The following DCT variants were observed in gnomAD, a reference collection of about 807,000 sequenced individuals.
The protein encoded by DCT is L-dopachrome tautomerase.
In DCT, 47 loss-of-function variants were observed where a neutral mutation model predicts 53.0. The ratio of observed to expected loss-of-function variants is 0.89; its 90% CI spans 0.70 to 1.13. The LOEUF is 1.13. Ranked by LOEUF, DCT falls within the 50% of genes most tolerant of loss-of-function variation. The probability of loss-of-function intolerance (pLI) is 0.00; values close to 1 mark genes in which losing one functional copy is unlikely to be tolerated. For missense variants in DCT, 669 were observed against 637.4 expected, an observed-to-expected ratio of 1.05 and a Z score of -0.53; for synonymous variants, 244 against 237.0, an observed-to-expected ratio of 1.03 and a Z score of -0.27.
At chr13:94,448,684 C>T (rs1264998969) in intron 6 of DCT, among the ~76,000 whole-genome samples, 1 of 152,164 alleles carries the variant, frequency 6.6e-6, no homozygotes, top group Non-Finnish European at 1.5e-5. Flanking sequence ...GGGAGGATCA[C>T]CCGAGGTCAG....
Position 94,440,096 on chromosome 13 carries a change from T to C in DCT, c.1382-20A>G, listed in dbSNP as rs1382536355. On this transcript the variant is annotated intron_variant, in intron 7 of 7. Transcript: ENST00000377028. Reference sequence around the variant, plus strand: ...CTGAAACTAAAGCAGAAGAGAAGGGTCTACAATCAGGATTTTCATCAGCTG... The same window carrying C: ...CTGAAACTAAAGCAGAAGAGAAGGGCCTACAATCAGGATTTTCATCAGCTG... The C allele has an allele frequency of 6.3e-7, 1 of 1,598,608 alleles. No individual in the cohort carries two copies.
At chr13:94,441,995 T>C (rs1364157517) in intron 7 of DCT, among the ~76,000 whole-genome samples, 1 of 152,100 alleles carries the variant, frequency 6.6e-6, no homozygotes, top group Non-Finnish European at 1.5e-5. Context: ...CTCTACACCC[T>C]CAGCAACACT....
chr13:94,487,933 A>T, the DCT span, among the ~76,000 whole-genome samples: 1 of 151,048 alleles, frequency 6.6e-6, no homozygotes, highest in Non-Finnish European at 1.5e-5. Context: ...TAGAAATGGG[A>T]CGTGTGGTCT....
Position 94,465,646 on chromosome 13 carries a change from T to C in DCT, c.850A>G (p.Thr284Ala), listed in dbSNP as rs201937888. 1.9e-6 allele frequency: 3 copies of C among 1,613,502 alleles called. No individual in the cohort carries two copies. Among genetic ancestry groups the C allele is most frequent in the East Asian group, 2.2e-5 (1 of 44,776 alleles). The change falls in exon 4 of 8, where the codon ACT (threonine) becomes GCT (alanine). Residue 284 changes from threonine (T) to alanine (A), a missense_variant. Transcript: ENST00000377028. ...SRNSRFSSWE[T>A]VCDSLDDYNH... Reference sequence around the variant, plus strand: ...AGGAGCCATTACCTATCACAGACAGTTTCCCAGCTGGAGAATCTTGAGTTC... The same window carrying C: ...AGGAGCCATTACCTATCACAGACAGCTTCCCAGCTGGAGAATCTTGAGTTC...
At chr13:94,529,742 A>G in the DCT span, among the ~76,000 whole-genome samples, 1 of 152,218 alleles carries the variant, frequency 6.6e-6, no homozygotes, top group South Asian at 2.1e-4. Flanking sequence ...TAGAGAAGCA[A>G]GAGCAAACAA....
intron 5 of DCT, among the ~76,000 whole-genome samples, chr13:94,461,152 T>C (rs1468128715): frequency 2.0e-5 from 3 of 152,188 alleles, no homozygotes; most frequent in Non-Finnish European, 4.4e-5. Flanking sequence ...TTTCTATATG[T>C]TTGAGTTAGG....
At chr13:94,463,613 T>C (rs541357736) in intron 4 of DCT, among the ~76,000 whole-genome samples, 1 of 152,282 alleles carries the variant, frequency 6.6e-6, no homozygotes, top group African/African-American at 2.4e-5. Context: ...AAACTTTTTG[T>C]AGAGACAGGG....
At chr13:94,495,975 G>A in the DCT span, among the ~76,000 whole-genome samples, 6 of 152,140 alleles carry the variant, frequency 3.9e-5, no homozygotes, top group Non-Finnish European at 7.4e-5. Flanking sequence ...TTCCCAGAAA[G>A]GAACAACGCG....
chr13:94,525,589 T>TG, the DCT span, among the ~76,000 whole-genome samples: 1 of 152,188 alleles, frequency 6.6e-6, no homozygotes, highest in Admixed American at 6.5e-5. Context: ...GAGAGGGTGC[T>TG]CCCTTTGCTT....
At chr13:94,547,123 C>CTT in the DCT span, among the ~76,000 whole-genome samples, 93 of 148,294 alleles carry the variant, frequency 6.3e-4, no homozygotes, top group African/African-American at 1.9e-3. Context: ...TGCTTCTAAA[C>CTT]TTTTTTTTTT....
intron 7 of DCT, among the ~76,000 whole-genome samples, chr13:94,440,675 G>GTTT (rs1882228183): frequency 6.9e-5 from 6 of 86,738 alleles, no homozygotes; most frequent in African/African-American, 2.0e-4. Context: ...TTCATTTTTT[G>GTTT]GTTTTTTTTT....
Position 94,436,899 on chromosome 13 carries a change from A to G in DCT, c.*2999T>C, listed in dbSNP as rs1254991528. The G allele has an allele frequency of 6.6e-6, 1 of 152,214 alleles. No individual in the cohort carries two copies. Among genetic ancestry groups the G allele is most frequent in the African/African-American group, 2.4e-5 (1 of 41,462 alleles). The allele number at this position is 152,214 out of a possible 1,614,324, so 9.4% of individuals were successfully genotyped here. A position where few individuals can be genotyped will look rare whatever the true frequency, so the allele number is the denominator to read the frequency against. On this transcript the variant is annotated 3_prime_UTR_variant, in exon 8 of 8. Transcript: ENST00000377028. Reference sequence around the variant, plus strand: ...TAAGTAAGGCACTATAGAAATAGGAAGAGCTTCAACCTTAGAGTCTCCAAC... The same window carrying G: ...TAAGTAAGGCACTATAGAAATAGGAGGAGCTTCAACCTTAGAGTCTCCAAC...
chr13:94,497,900 A>G, the DCT span, among the ~76,000 whole-genome samples: 96,419 of 151,662 alleles, frequency 0.64, 30,807 homozygotes, highest in Middle Eastern at 0.68. Flanking sequence ...GTGTACACAC[A>G]TGCATGCACA....
Position 94,438,957 on chromosome 13 carries a change from G to T in DCT, c.*941C>A. On this transcript the variant is annotated 3_prime_UTR_variant, in exon 8 of 8. Coordinates refer to ENST00000377028, the MANE Select transcript of DCT (RefSeq NM_001922.5). The stretch of plus-strand genomic sequence containing the variant: ...AGGCTACCTAGTAAAGAAATTGGTA[G>T]AGGATCAGCCAAAGAGACCTCAGAG... The T allele has an allele frequency of 4.2e-6, 1 of 240,916 alleles. No homozygotes were observed. Among genetic ancestry groups the T allele is most frequent in the South Asian group, 4.8e-5 (1 of 20,974 alleles). The allele number at this position is 240,916 out of a possible 1,614,324, so 14.9% of individuals were successfully genotyped here.
chr13:94,483,965 T>C (rs1251511828), upstream of DCT, among the ~76,000 whole-genome samples: 1 of 152,234 alleles, frequency 6.6e-6, no homozygotes, highest in Non-Finnish European at 1.5e-5. Context: ...TAAGCTTTGC[T>C]AGACAGTCAC....
At chr13:94,548,862 T>TCTAGG in the DCT span, among the ~76,000 whole-genome samples, 2 of 152,170 alleles carry the variant, frequency 1.3e-5, no homozygotes, top group African/African-American at 4.8e-5. Context: ...GAAAGGAACG[T>TCTAGG]CTAGACCCGT....
chr13:94,532,744 C>T, the DCT span, among the ~76,000 whole-genome samples: 1 of 152,172 alleles, frequency 6.6e-6, no homozygotes, highest in Non-Finnish European at 1.5e-5. Flanking sequence ...ATGTAACAAA[C>T]CTGCACGCTG....
chr13:94,469,149 GC>G (rs1288439503), intron 1 of DCT, 104 bp from the exon 2 acceptor site: 5 of 1,000,018 alleles, frequency 5.0e-6, no homozygotes, highest in Admixed American at 2.2e-5. Flanking sequence ...AGATGAAGGT[GC>G]TTACACAAAG....
At chr13:94,469,837 G>A (rs1009645822) in intron 1 of DCT, among the ~76,000 whole-genome samples, 1 of 152,216 alleles carries the variant, frequency 6.6e-6, no homozygotes, top group Non-Finnish European at 1.5e-5. Context: ...CACTTTGGGA[G>A]GCCGAGGCGG....
Sources: gnomAD v4.1 joint callset for allele counts (sites outside exome capture counted in the v4.1 genomes callset) on GRCh38, gnomAD v4.1.1 for gene constraint, MANE v1.5 for transcripts, NCBI Gene and HGNC (gene_info 2026-07-23, HGNC 2026-07-21) for gene names.